SIM1: variants seen among roughly 807,000 people sequenced by gnomAD.
The protein encoded by SIM1 is SIM bHLH transcription factor 1.
SIM1 carries 18 observed loss-of-function variants against 78.2 expected under a neutral mutation model. The observed-to-expected ratio is 0.23, with a 90% CI of 0.16 to 0.34. The LOEUF is 0.34. Among genes scored for constraint, SIM1 ranks in the 10% least tolerant of loss-of-function variants. SIM1 has a pLI of 1.00. For missense variants in SIM1, 939 were observed against 975.1 expected, an observed-to-expected ratio of 0.96 and a Z score of 0.49; for synonymous variants, 417 against 385.2, an observed-to-expected ratio of 1.08 and a Z score of -0.97.
chr6:100,429,920 A>T (rs141167481), intron 9 of SIM1, among the ~76,000 whole-genome samples: 1 of 152,294 alleles, frequency 6.6e-6, no homozygotes, highest in African/African-American at 2.4e-5. Flanking sequence ...AAATATCCAC[A>T]TGCTGTCTCA....
At chr6:100,396,058 C>T (rs1770758152) in intron 10 of SIM1, 1 of 981,690 alleles carries the variant, frequency 1.0e-6, no homozygotes, top group Non-Finnish European at 1.2e-6. Context: ...TCGGTACCTA[C>T]ATCATGCCTT....
Position 100,390,683 on chromosome 6 carries a change from C to A in SIM1, c.1979G>T (p.Ser660Ile), listed in dbSNP as rs761542553. ...TTTTGAAATGCGATCCGAATTGGGA[C>A]TACTTATCCGAGATAGTGCGGTGGG... ...NSPTALSRIS[S>I]PNSDRISKSS... Residue 660 changes from serine to isoleucine, a missense_variant, in exon 12 of 12, where the codon AGT becomes ATT. Around this residue, in one of 5 missense-constraint regions of SIM1, gnomAD observed 556 missense variants for 521.9 expected, o/e 1.07. Transcript: ENST00000369208. 1.2e-6 allele frequency: 2 copies of A among 1,614,128 alleles called. No homozygotes were observed. The highest frequency in any genetic ancestry group is 2.2e-5 in the South Asian group (2 of 91,086).
intron 2 of SIM1, among the ~76,000 whole-genome samples, chr6:100,459,560 C>A (rs1466679926): frequency 6.6e-6 from 1 of 152,108 alleles, no homozygotes; most frequent in Admixed American, 6.5e-5. Flanking sequence ...TTTTTCAGTT[C>A]TCTGCCTCAA....
At chr6:100,425,802 T>A (rs193002501) in intron 9 of SIM1, among the ~76,000 whole-genome samples, 1 of 152,300 alleles carries the variant, frequency 6.6e-6, no homozygotes, top group African/African-American at 2.4e-5. Flanking sequence ...CAAAGTTACA[T>A]GCATGCTCAG....
At chr6:100,408,824 G>A (rs922532757) in intron 10 of SIM1, among the ~76,000 whole-genome samples, 1 of 152,032 alleles carries the variant, frequency 6.6e-6, no homozygotes. Flanking sequence ...GTAATTTGTT[G>A]AGAATTTGGG....
intron 9 of SIM1, among the ~76,000 whole-genome samples, chr6:100,435,130 C>T (rs1772010676): frequency 6.6e-6 from 1 of 152,086 alleles, no homozygotes; most frequent in South Asian, 2.1e-4. Context: ...GGCAATTGAG[C>T]AGGTCCCAAG....
intron 9 of SIM1, among the ~76,000 whole-genome samples, chr6:100,438,980 G>A (rs533604356): frequency 1.3e-5 from 2 of 152,110 alleles, no homozygotes; most frequent in African/African-American, 4.8e-5. Flanking sequence ...TGTGGGGTGA[G>A]GAATAAGACT....
At chr6:100,413,104 C>G (rs1204325133) in intron 10 of SIM1, among the ~76,000 whole-genome samples, 29 of 152,352 alleles carry the variant, frequency 1.9e-4, no homozygotes. Context: ...ACCACACTGA[C>G]ACCACCACGT....
chr6:100,455,082 C>T (rs1026721738), intron 2 of SIM1, among the ~76,000 whole-genome samples: 2 of 152,018 alleles, frequency 1.3e-5, no homozygotes, highest in Non-Finnish European at 2.9e-5. Flanking sequence ...GCAGATCTTT[C>T]AAAATAAAAC....
rs1770629813 is a variant in SIM1, at chr6:100,391,171, TA to T, written c.1571-81del. ...AGTATATTTCCTTTACCTATTAAAA[TA>T]AACTTTATATCTTTCATTTTTAATA... On this transcript the variant is annotated intron_variant, in intron 11 of 11. Coordinates refer to ENST00000369208, the MANE Select transcript of SIM1 (RefSeq NM_005068.3). 2.1e-6 allele frequency: 3 copies of T among 1,404,328 alleles called. No homozygotes were observed. The South Asian group carries it at 4.5e-5, about 21-fold the overall frequency. The allele number at this position is 1,404,328 out of a possible 1,614,324, so 87.0% of individuals were successfully genotyped here.
At chr6:100,443,666 C>T (rs888549276) in intron 9 of SIM1, among the ~76,000 whole-genome samples, 1 of 143,916 alleles carries the variant, frequency 6.9e-6, no homozygotes, top group African/African-American at 2.6e-5. Context: ...TTTTTGCAAG[C>T]TCTACACACA....
Position 100,390,623 on chromosome 6 carries a change from G to C in SIM1, c.2039C>G (p.Ser680Trp), listed in dbSNP as rs149142065. 8 of 1,614,050 alleles carry C rather than the reference G, an allele frequency of 5.0e-6. No homozygotes were observed. The highest frequency in any genetic ancestry group is 3.3e-5 in the Admixed American group (2 of 59,998). ...SLILAKDYLH[S>W]DISPHQTAGD... ...TGCTGTCTGATGAGGAGATATATCC[G>C]AATGCAGATAGTCTTTAGCTAGGAT... Residue 680 changes from serine (S) to tryptophan (W), a missense_variant, in exon 12 of 12, where the codon TCG becomes TGG. Physicochemically the swap from Ser to Trp is radical, Grantham distance 177. Coordinates refer to ENST00000369208, the MANE Select transcript of SIM1 (RefSeq NM_005068.3).
intron 11 of SIM1, among the ~76,000 whole-genome samples, chr6:100,392,182 AT>A (rs1193516514): frequency 1.8e-4 from 27 of 152,298 alleles, no homozygotes; most frequent in African/African-American, 4.1e-4. Flanking sequence ...CTCAAAAAAA[AT>A]TTTTTTAGAC....
At chr6:100,418,728 T>C (rs1771479076) in intron 10 of SIM1, among the ~76,000 whole-genome samples, 1 of 152,240 alleles carries the variant, frequency 6.6e-6, no homozygotes, top group African/African-American at 2.4e-5. Flanking sequence ...CTTTCATCTA[T>C]GTGTCCAACA....
At chr6:100,445,644 G>C (rs9497479) in intron 9 of SIM1, among the ~76,000 whole-genome samples, 10,807 of 152,088 alleles carry the variant, frequency 0.071, 1,264 homozygotes, top group African/African-American at 0.24. Flanking sequence ...ACTTGCATTT[G>C]GATCATTTAT....
rs1195544944 is a variant in SIM1 at position 100,389,665 on chromosome 6, G to A, written c.*696C>T. ...TACTTAGAAAAACCCTCAGCGCCAT[G>A]TCAGTGCAATCCTGGTCCTTGTCTA... On this transcript the variant is annotated 3_prime_UTR_variant, in exon 12 of 12. Transcript: ENST00000369208. The A allele has an allele frequency of 2.5e-6, 1 of 398,980 alleles. No homozygotes were observed. Among genetic ancestry groups the A allele is most frequent in the Non-Finnish European group, 4.4e-6 (1 of 226,042 alleles). The allele number at this position is 398,980 out of a possible 1,614,324, so 24.7% of individuals were successfully genotyped here.
chr6:100,458,048 C>T (rs1359450542), intron 2 of SIM1, among the ~76,000 whole-genome samples: 1 of 134,064 alleles, frequency 7.5e-6, no homozygotes, highest in Admixed American at 8.8e-5. Flanking sequence ...CTCTCTCTCT[C>T]TCTCTCTCTC....
chr6:100,448,778 A>T, intron 6 of SIM1, 100 bp from the exon 7 acceptor site: 8 of 1,088,410 alleles, frequency 7.4e-6, no homozygotes, highest in Non-Finnish European at 9.2e-6. Context: ...GCTTAGCCCC[A>T]AAGCAGTGCT....
intron 9 of SIM1, among the ~76,000 whole-genome samples, chr6:100,433,526 A>G (rs1771954460): frequency 6.6e-6 from 1 of 152,178 alleles, no homozygotes; most frequent in South Asian, 2.1e-4. Context: ...TTCTGATATT[A>G]TATGACTTTT....
Sources: allele counts gnomAD v4.1 joint callset (sites outside exome capture counted in the v4.1 genomes callset), GRCh38; gene constraint gnomAD v4.1.1; regional missense constraint gnomAD v4.1.1; transcripts MANE v1.5; gene names NCBI Gene and HGNC (gene_info 2026-07-23, HGNC 2026-07-21).